The following EPS8L2 variants were observed in gnomAD, a reference collection of about 807,000 sequenced individuals.
EPS8L2 encodes epidermal growth factor receptor kinase substrate 8-like protein 2.
A neutral mutation model predicts 99.4 loss-of-function variants in EPS8L2; 81 were observed. The observed-to-expected ratio is 0.82, with a 90% CI of 0.68 to 0.98. The LOEUF is 0.98. Ranked by LOEUF, EPS8L2 falls within the 50% of genes least tolerant of loss-of-function variation. The probability of loss-of-function intolerance (pLI) is 0.00; values close to 1 mark genes in which losing one functional copy is unlikely to be tolerated. For synonymous variants in EPS8L2, 509 were observed against 407.3 expected, an observed-to-expected ratio of 1.25 and a Z score of -3.01; for missense variants, 1,155 against 968.8, an observed-to-expected ratio of 1.19 and a Z score of -2.55.
chr11:715,160 T>G (rs1051294524), intron 4 of EPS8L2, among the ~76,000 whole-genome samples: 2 of 151,890 alleles, frequency 1.3e-5, no homozygotes, highest in African/African-American at 4.8e-5. Flanking sequence ...GAGAATGGCG[T>G]GAACCCCGGA....
chr11:706,964 T>C (rs900694721), intron 1 of EPS8L2, among the ~76,000 whole-genome samples: 3 of 151,804 alleles, frequency 2.0e-5, no homozygotes, highest in African/African-American at 7.3e-5. Flanking sequence ...TGCGTCCAGC[T>C]GCCTGGCGTT....
In EPS8L2 at chr11:715,618, GTTT is replaced by G. The variant is rs929222502; in HGVS notation, c.166-4426_166-4424del. Among the ~76,000 whole-genome samples, 176 of 120,018 alleles carry G rather than the reference GTTT, an allele frequency of 1.5e-3. 1 individual carries two copies. The highest frequency in any genetic ancestry group is 5.5e-3 in the African/African-American group (162 of 29,706). The allele number at this position is 120,018 out of a possible 152,430, so 78.7% of individuals were successfully genotyped here. ...TTGATTCACTTTATCTTTTTCTTTTGTTTTTTTTTTTTTTTTTTTTGAAATGGA... is the reference window on the plus strand; with the variant it reads ...TTGATTCACTTTATCTTTTTCTTTTGTTTTTTTTTTTTTTTTTGAAATGGA... On this transcript the variant is annotated intron_variant, in intron 4 of 20. Transcript: ENST00000318562.
intron 4 of EPS8L2, among the ~76,000 whole-genome samples, chr11:714,936 C>T (rs1280229793): frequency 6.6e-6 from 1 of 152,054 alleles, no homozygotes; most frequent in Non-Finnish European, 1.5e-5. Context: ...ATTCCCTCCT[C>T]TTCTGTTTTC....
intron 4 of EPS8L2, among the ~76,000 whole-genome samples, chr11:712,024 A>G (rs1241400531): frequency 3.5e-5 from 5 of 142,296 alleles, no homozygotes; most frequent in Non-Finnish European, 3.0e-5. Context: ...GGTTGTTCAT[A>G]CCTGTAATCC....
chr11:708,894 C>G (rs1252616047), intron 1 of EPS8L2: 1 of 164,852 alleles, frequency 6.1e-6, no homozygotes, highest in African/African-American at 2.4e-5. Flanking sequence ...CAACTCCAGC[C>G]TCACCTCTCC....
intron 4 of EPS8L2, among the ~76,000 whole-genome samples, chr11:714,893 G>T (rs952820860): frequency 2.0e-5 from 3 of 152,120 alleles, no homozygotes; most frequent in African/African-American, 7.2e-5. Flanking sequence ...GTGTGGCAGG[G>T]TTATGTTGGT....
At position 720,893 on chromosome 11, in the gene EPS8L2, C is replaced by A. The variant is rs1317725617; in HGVS notation, c.541C>A (p.Arg181=). The change falls in exon 7 of 21, where the codon CGG becomes AGG. Residue 181 remains arginine, a synonymous_variant. Transcript: ENST00000318562. ...CGACTGCCGGCTGGGCAAGAAGATGCGGCCGCAGACCCTGAAGTAGGGCAG... is the reference window on the plus strand; with the variant it reads ...CGACTGCCGGCTGGGCAAGAAGATGAGGCCGCAGACCCTGAAGTAGGGCAG... ...LADCRLGKKM[R]PQTLKGHQEK... 5.8e-6 allele frequency: 8 copies of A among 1,389,212 alleles called. No individual in the cohort carries two copies. The highest frequency in any genetic ancestry group is 6.7e-6 in the Non-Finnish European group (7 of 1,050,486). 86.1% of individuals were successfully genotyped at this position (1,389,212 alleles called of 1,614,324 possible). A position where few individuals can be genotyped will look rare whatever the true frequency, so the allele number is the denominator to read the frequency against.
chr11:726,461 G>T lies in EPS8L2; in HGVS notation c.1911G>T (p.Leu637=). ...ESGPDEVRAW[L]EAKAFSPRIV... Reference sequence around the variant, plus strand: ...GTCCGGACGAGGTCCGCGCCTGGCTGGAAGCCAAGGCCTTCAGCCCGCGGT... The same window carrying T: ...GTCCGGACGAGGTCCGCGCCTGGCTTGAAGCCAAGGCCTTCAGCCCGCGGT... The change falls in exon 19 of 21, where the codon CTG becomes CTT. Residue 637 remains leucine (L), a synonymous_variant. Transcript: ENST00000318562. 1 of 1,575,308 alleles carries T rather than the reference G, an allele frequency of 6.3e-7. No individual in the cohort carries two copies. The highest frequency in any genetic ancestry group is 8.6e-7 in the Non-Finnish European group (1 of 1,162,162).
Position 726,364 on chromosome 11 carries a change from G to C in EPS8L2, c.1814G>C (p.Arg605Thr). The C allele has an allele frequency of 6.2e-7, 1 of 1,611,064 alleles. No individual in the cohort carries two copies. Among genetic ancestry groups the C allele is most frequent in the African/African-American group, 1.3e-5 (1 of 74,988 alleles). The part of the protein sequence containing the change: ...DELIRKISNI[R>T]AQPQRHFRVE... ...CTCATCCGGAAAATCAGCAACATCA[G>C]GGCGCAGCCACAGAGGCACTTCCGC... Residue 605 changes from arginine to threonine, a missense_variant, in exon 19 of 21, where the codon AGG (arginine) becomes ACG (threonine). By Grantham distance (71) the Arg-to-Thr change is moderately conservative (BLOSUM62 -1). Coordinates refer to ENST00000318562, the MANE Select transcript of EPS8L2 (RefSeq NM_022772.4).
Position 727,090 on chromosome 11 carries a change from G to A in EPS8L2, c.*109G>A. On this transcript the variant is annotated 3_prime_UTR_variant, in exon 21 of 21. Coordinates refer to ENST00000318562, the MANE Select transcript of EPS8L2 (RefSeq NM_022772.4). The stretch of plus-strand genomic sequence containing the variant: ...TGTATCAAGGACACGGAGGGGGTGT[G>A]GTGCTGGCTAGAGGTCCCTGCCCCT... The A allele has an allele frequency of 1.2e-6, 1 of 814,620 alleles. No homozygotes were observed. 50.5% of individuals were successfully genotyped at this position (814,620 alleles called of 1,614,324 possible). A position where few individuals can be genotyped will look rare whatever the true frequency, so the allele number is the denominator to read the frequency against.
chr11:711,269 C>CGTGT (rs201018308), intron 4 of EPS8L2, among the ~76,000 whole-genome samples: 37 of 117,366 alleles, frequency 3.2e-4, no homozygotes, highest in Admixed American at 9.2e-4. Context: ...TGCGTGCGTG[C>CGTGT]GTGTGTGTGT....
chr11:711,324 GTCTC>G (rs1187108032), intron 4 of EPS8L2, among the ~76,000 whole-genome samples: 1 of 151,004 alleles, frequency 6.6e-6, no homozygotes, highest in Non-Finnish European at 1.5e-5. Context: ...CTCTCTCTCT[GTCTC>G]TCTCTTTTCT....
intron 1 of EPS8L2, among the ~76,000 whole-genome samples, chr11:707,752 A>T (rs911521390): frequency 6.6e-6 from 1 of 152,064 alleles, no homozygotes; most frequent in Admixed American, 6.5e-5. Context: ...AAGGCCAGGA[A>T]CCTGGCCTTC....
intron 4 of EPS8L2, among the ~76,000 whole-genome samples, chr11:719,374 C>G (rs919528833): frequency 1.3e-5 from 2 of 152,196 alleles, no homozygotes; most frequent in African/African-American, 4.8e-5. Flanking sequence ...GCCAACCCTT[C>G]GTGGGAGGGT....
Position 716,430 on chromosome 11 carries a change from A to G in EPS8L2, c.166-3632A>G, listed in dbSNP as rs1200447213. On this transcript the variant is annotated intron_variant, in intron 4 of 20. Transcript: ENST00000318562. ...CCCAAAGTGCTGGGATAATTTTTGT[A>G]TTTTCAGTACAGACAAGAGTTTTGC... 2.6e-5 allele frequency among the ~76,000 whole-genome samples: 4 copies of G among 151,742 alleles called. No homozygotes were observed. In the East Asian group the frequency reaches 5.8e-4, roughly 22 times the overall value.
chr11:710,135 C>T lies in EPS8L2; in HGVS notation c.101-287C>T, dbSNP rs556281698. The stretch of plus-strand genomic sequence containing the variant: ...GGGACCCCCTTCCTGTCCCCTCACC[C>T]TCCGGGACAGAAACCCCCCGGGCAC... On this transcript the variant is annotated intron_variant, in intron 3 of 20. Coordinates refer to ENST00000318562, the MANE Select transcript of EPS8L2 (RefSeq NM_022772.4). The T allele has an allele frequency of 1.1e-5, 5 of 454,962 alleles. No individual in the cohort carries two copies. The East Asian group carries it at 1.3e-4, about 12-fold the overall frequency. The allele number at this position is 454,962 out of a possible 1,614,324, so 28.2% of individuals were successfully genotyped here.
chr11:725,934 C>T (rs1490709489), intron 17 of EPS8L2, 87 bp downstream of exon 17: 110 of 1,381,142 alleles, frequency 8.0e-5, no homozygotes, highest in Non-Finnish European at 9.8e-5. Flanking sequence ...AGGCCAGCCC[C>T]GCGGCTGGAG....
Position 720,723 on chromosome 11 carries a change from T to G in EPS8L2, c.454T>G (p.Phe152Val). The change falls in exon 6 of 21, where the codon TTC becomes GTC. Residue 152 changes from phenylalanine to valine, a missense_variant. Transcript: ENST00000318562. ...GGAGCAGAGCAAGCCGGATGTCCAC[T>G]TCTTCCACTGCGATGAGGTGGAGGT... ...DSEQSKPDVH[F>V]FHCDEVEAEL... is the part of the protein sequence containing the mutation. The G allele has an allele frequency of 6.3e-7, 1 of 1,587,728 alleles. No individual in the cohort carries two copies. The highest frequency in any genetic ancestry group is 1.7e-4 in the Middle Eastern group (1 of 5,858).
At chr11:717,024 T>C (rs1424088350) in intron 4 of EPS8L2, among the ~76,000 whole-genome samples, 1 of 152,208 alleles carries the variant, frequency 6.6e-6, no homozygotes, top group Non-Finnish European at 1.5e-5. Flanking sequence ...TTGCCCAGGC[T>C]GGAATGCAAT....
Sources: gnomAD v4.1 joint callset for allele counts (sites outside exome capture counted in the v4.1 genomes callset) on GRCh38, gnomAD v4.1.1 for gene constraint, MANE v1.5 for transcripts, NCBI Gene and HGNC (gene_info 2026-07-23, HGNC 2026-07-21) for gene names.